Variants in NDST3 observed in about 807,000 individuals in gnomAD.
NDST3 encodes N-deacetylase and N-sulfotransferase 3.
In NDST3, 58 loss-of-function variants were observed where a neutral mutation model predicts 96.1. The observed-to-expected ratio is 0.60, with a 90% confidence interval of 0.49 to 0.75. The LOEUF is 0.75. Ranked by LOEUF, NDST3 falls within the 30% of genes least tolerant of loss-of-function variation. The pLI, the probability that NDST3 is intolerant of heterozygous loss-of-function variation, is 0.00. For missense variants in NDST3, 788 were observed against 1,034.2 expected (o/e 0.76, Z 3.27); for synonymous variants, 333 against 359.7 (o/e 0.93, Z 0.84).
At chr4:118,105,289 GAACT>G (rs904066610) in intron 3 of NDST3, among the ~76,000 whole-genome samples, 184 bp downstream of exon 3, 23 of 152,042 alleles carry the variant, frequency 1.5e-4, no homozygotes, top group African/African-American at 5.5e-4. Flanking sequence ...AAAGTTTATG[GAACT>G]ATCTGATGGC....
At chr4:118,169,793 CAAAA>C (rs55684244) in intron 6 of NDST3, among the ~76,000 whole-genome samples, 1 of 117,324 alleles carries the variant, frequency 8.5e-6, no homozygotes, top group Admixed American at 9.0e-5. Flanking sequence ...GACTCCATCT[CAAAA>C]AAAAAAAAAA....
intron 1 of NDST3, among the ~76,000 whole-genome samples, chr4:118,045,288 CCA>C (rs1724698410): frequency 1.3e-5 from 2 of 152,234 alleles, no homozygotes; most frequent in South Asian, 4.2e-4. Context: ...CTGGAGCATT[CCA>C]CAGACTCCCC....
intron 8 of NDST3, among the ~76,000 whole-genome samples, chr4:118,231,234 G>A (rs1378379984): frequency 1.3e-5 from 2 of 151,838 alleles, no homozygotes; most frequent in Admixed American, 1.3e-4. Flanking sequence ...TGCTTGTGAG[G>A]CTGAGGCATG....
chr4:118,065,330 T>C (rs1449037617), intron 2 of NDST3, among the ~76,000 whole-genome samples: 1 of 152,128 alleles, frequency 6.6e-6, no homozygotes, highest in Non-Finnish European at 1.5e-5. Context: ...GATCTCTGAG[T>C]CAACAGTAGT....
rs1231669913 is a variant in NDST3 at position 118,079,412 on chromosome 4, AAG to A, written c.981+24524_981+24525del. 6.6e-5 allele frequency among the ~76,000 whole-genome samples: 10 copies of A among 152,344 alleles called. No individual in the cohort carries two copies. In the East Asian group the frequency reaches 1.9e-3, roughly 29 times the overall value. ...GTATAACATGTGAGCTGAGACATGAAAGAGGAGAATAGCCTACAATAAACACA... is the reference window on the plus strand; with the variant it reads ...GTATAACATGTGAGCTGAGACATGAAAGGAGAATAGCCTACAATAAACACA... On this transcript the variant is annotated intron_variant, in intron 2 of 13. Coordinates refer to ENST00000296499, the MANE Select transcript of NDST3 (RefSeq NM_004784.3).
intron 2 of NDST3, among the ~76,000 whole-genome samples, chr4:118,056,638 T>C (rs918447593): frequency 2.0e-5 from 3 of 152,000 alleles, no homozygotes; most frequent in Non-Finnish European, 2.9e-5. Context: ...GTGTACTACA[T>C]GTGAAGCACT....
chr4:118,251,279 A>G (rs1741715429), intron 12 of NDST3, among the ~76,000 whole-genome samples: 1 of 150,984 alleles, frequency 6.6e-6, no homozygotes, highest in South Asian at 2.1e-4. Context: ...GGCGCCTGCC[A>G]CCACGCCCGG....
intron 5 of NDST3, among the ~76,000 whole-genome samples, chr4:118,138,903 T>A (rs1362955456): frequency 3.3e-5 from 5 of 152,130 alleles, no homozygotes; most frequent in Admixed American, 6.6e-5. Flanking sequence ...CCTAAGAAAG[T>A]CCTGGTAAAG....
intron 6 of NDST3, among the ~76,000 whole-genome samples, chr4:118,181,401 T>C (rs1736601526): frequency 6.6e-6 from 1 of 152,128 alleles, no homozygotes; most frequent in African/African-American, 2.4e-5. Flanking sequence ...GTTTGAGATC[T>C]TGTTTTCCAA....
chr4:118,255,272 T>A (rs1215735695), intron 13 of NDST3, among the ~76,000 whole-genome samples: 2 of 152,008 alleles, frequency 1.3e-5, no homozygotes. Context: ...TTTAAGGGAG[T>A]GGCTGATTTT....
intron 7 of NDST3, among the ~76,000 whole-genome samples, chr4:118,225,529 C>A (rs753432806): frequency 3.3e-5 from 5 of 152,124 alleles, no homozygotes; most frequent in Non-Finnish European, 7.4e-5. Context: ...GGTCACACAG[C>A]TAGTGTGTTG....
chr4:118,176,179 A>T (rs897941314), intron 6 of NDST3, among the ~76,000 whole-genome samples: 6 of 151,774 alleles, frequency 4.0e-5, no homozygotes, highest in African/African-American at 9.6e-5. Context: ...TTTAAGTCTT[A>T]AAAAAAACCC....
At chr4:118,041,399 G>T (rs1724457175) in intron 1 of NDST3, among the ~76,000 whole-genome samples, 1 of 152,086 alleles carries the variant, frequency 6.6e-6, no homozygotes, top group Non-Finnish European at 1.5e-5. Context: ...TTCCTTCAGG[G>T]TGCCTTATAG....
chr4:118,255,630 A>G lies in NDST3; in HGVS notation c.2540A>G (p.Asn847Ser). 6.2e-7 allele frequency: 1 copy of G among 1,613,894 alleles called. No homozygotes were observed. Among genetic ancestry groups the G allele is most frequent in the Non-Finnish European group, 8.5e-7 (1 of 1,179,822 alleles). The change falls in exon 14 of 14, where the codon AAC becomes AGC. Residue 847 changes from asparagine (N) to serine (S), a missense_variant. By Grantham distance (46) the Asn-to-Ser change is conservative. Coordinates refer to ENST00000296499, the MANE Select transcript of NDST3 (RefSeq NM_004784.3). Reference protein sequence around the residue: ...TFLSSYYRDHNVELSKLLHKL... With the variant: ...TFLSSYYRDHSVELSKLLHKL... Reference sequence around the variant, plus strand: ...CTGTCAAGCTACTATCGAGATCACAACGTGGAACTCTCAAAGCTGCTGCAC... The same window carrying G: ...CTGTCAAGCTACTATCGAGATCACAGCGTGGAACTCTCAAAGCTGCTGCAC...
intron 10 of NDST3, among the ~76,000 whole-genome samples, chr4:118,239,027 A>T (rs1347185680): frequency 6.6e-6 from 1 of 152,202 alleles, no homozygotes; most frequent in Non-Finnish European, 1.5e-5. Flanking sequence ...CAAAAATGTT[A>T]AGACAAACGT....
At chr4:118,157,760 A>G (rs1734812262) in intron 6 of NDST3, among the ~76,000 whole-genome samples, 1 of 152,138 alleles carries the variant, frequency 6.6e-6, no homozygotes, top group African/African-American at 2.4e-5. Flanking sequence ...TTTTACATAT[A>G]GTCAAAATAA....
At chr4:118,110,440 A>G (rs1383242114) in intron 3 of NDST3, among the ~76,000 whole-genome samples, 1 of 152,108 alleles carries the variant, frequency 6.6e-6, no homozygotes, top group Non-Finnish European at 1.5e-5. Flanking sequence ...CCAAATGTCA[A>G]TTCCCTTATC....
At position 118,105,031 on chromosome 4, in the gene NDST3, C is replaced by A; in HGVS notation, c.995C>A (p.Thr332Asn). ...TATGTATTTCAGGCCCTGCTTGATA[C>A]TCAGAATCTTTTGCGTGCACAAATC... The part of the protein sequence containing the change: ...NTNDVKALLD[T>N]QNLLRAQITN... Residue 332 changes from threonine (T) to asparagine (N), a missense_variant, in exon 3 of 14, where the codon ACT (threonine) becomes AAT (asparagine). Physicochemically the swap from Thr to Asn is moderately conservative, Grantham distance 65. Coordinates refer to ENST00000296499, the MANE Select transcript of NDST3 (RefSeq NM_004784.3). 3.1e-6 allele frequency: 5 copies of A among 1,613,078 alleles called. No homozygotes were observed. The South Asian group carries it at 5.5e-5, about 18-fold the overall frequency.
Position 118,114,875 on chromosome 4 carries a change from A to G in NDST3, c.1139A>G (p.His380Arg), listed in dbSNP as rs768165405. ...GSVDEFWWFPHMWSHMQPHLF... is the reference protein window; with the variant it reads ...GSVDEFWWFPRMWSHMQPHLF... ...GTGGATGAGTTCTGGTGGTTTCCTC[A>G]CATGTGGAGCCATATGCAGCCCCAC... Residue 380 changes from histidine to arginine, a missense_variant, in exon 4 of 14, where the codon CAC becomes CGC. His to Arg is a conservative substitution (Grantham distance 29). Around this residue, in one of 3 missense-constraint regions of NDST3, gnomAD observed 490 missense variants for 708.8 expected, o/e 0.69. Coordinates refer to ENST00000296499, the MANE Select transcript of NDST3 (RefSeq NM_004784.3). The G allele has an allele frequency of 3.1e-6, 5 of 1,614,078 alleles. No homozygotes were observed. The highest frequency in any genetic ancestry group is 8.5e-7 in the Non-Finnish European group (1 of 1,179,988).
Sources: allele counts gnomAD v4.1 joint callset (sites outside exome capture counted in the v4.1 genomes callset), GRCh38; gene constraint gnomAD v4.1.1; regional missense constraint gnomAD v4.1.1; transcripts MANE v1.5; gene names NCBI Gene and HGNC (gene_info 2026-07-23, HGNC 2026-07-21).